Variants in TRHDE observed in about 807,000 individuals in gnomAD.
TRHDE encodes thyrotropin-releasing hormone-degrading ectoenzyme.
TRHDE carries 72 observed loss-of-function variants against 125.7 expected under a neutral mutation model. That is an observed-to-expected ratio of 0.57 (90% confidence interval 0.47 to 0.70). The LOEUF (loss-of-function observed/expected upper bound fraction) is 0.70. TRHDE is among the 30% of genes least tolerant of loss of function. The probability of loss-of-function intolerance (pLI) is 0.00; values close to 1 mark genes in which losing one functional copy is unlikely to be tolerated. For synonymous variants in TRHDE, 509 were observed against 509.1 expected, an observed-to-expected ratio of 1.00 and a Z score of 0.00; for missense variants, 1,110 against 1,327.1, an observed-to-expected ratio of 0.84 and a Z score of 2.54.
At chr12:72,414,238 G>T (rs1244174293) in intron 3 of TRHDE, among the ~76,000 whole-genome samples, 4 of 151,988 alleles carry the variant, frequency 2.6e-5, no homozygotes, top group Non-Finnish European at 5.9e-5. Context: ...ATAAACTGAC[G>T]AGTTTTTAAG....
chr12:72,168,790 G>T (rs752092239), intron 2 of TRHDE, among the ~76,000 whole-genome samples: 1 of 151,734 alleles, frequency 6.6e-6, no homozygotes, highest in Non-Finnish European at 1.5e-5. Context: ...GTAGATTATT[G>T]GCAACTTGTT....
At chr12:72,438,799 A>G (rs983187212) in intron 3 of TRHDE, among the ~76,000 whole-genome samples, 37 of 151,902 alleles carry the variant, frequency 2.4e-4, no homozygotes, top group African/African-American at 7.9e-4. Context: ...TCATTTGTCT[A>G]TTTTAACTTT....
At chr12:72,173,564 G>A (rs1163913198) in intron 2 of TRHDE, among the ~76,000 whole-genome samples, 5 of 152,120 alleles carry the variant, frequency 3.3e-5, no homozygotes, top group Non-Finnish European at 7.4e-5. Flanking sequence ...GTTCCTGCAC[G>A]TGCTCTTGTG....
intron 3 of TRHDE, among the ~76,000 whole-genome samples, chr12:72,439,280 C>T (rs927993742): frequency 6.6e-6 from 1 of 151,738 alleles, no homozygotes; most frequent in African/African-American, 2.4e-5. Context: ...TTTGGCTATT[C>T]AGGGTCTTTT....
intron 2 of TRHDE, among the ~76,000 whole-genome samples, chr12:72,185,338 G>A (rs562453554): frequency 3.9e-5 from 6 of 152,334 alleles, no homozygotes; most frequent in Admixed American, 6.5e-5. Flanking sequence ...CCCACTCCAT[G>A]GGCTCCTGTG....
chr12:72,470,640 T>G (rs1489533345), intron 4 of TRHDE, among the ~76,000 whole-genome samples: 1 of 152,154 alleles, frequency 6.6e-6, no homozygotes, highest in African/African-American at 2.4e-5. Flanking sequence ...GTTACCAGTA[T>G]TTATGGAGCT....
At chr12:72,574,532 C>T (rs553022957) in intron 10 of TRHDE, among the ~76,000 whole-genome samples, 26 of 152,126 alleles carry the variant, frequency 1.7e-4, no homozygotes, top group South Asian at 6.2e-4. Context: ...ATAGTGTCCT[C>T]GCTCTGTACT....
At chr12:72,612,793 T>C (rs1470569965) in intron 12 of TRHDE, among the ~76,000 whole-genome samples, 1 of 152,206 alleles carries the variant, frequency 6.6e-6, no homozygotes, top group Non-Finnish European at 1.5e-5. Flanking sequence ...AAGGTTTTTT[T>C]CTCTTTTTGA....
At chr12:72,586,220 T>A (rs985789248) in intron 12 of TRHDE, among the ~76,000 whole-genome samples, 1 of 152,222 alleles carries the variant, frequency 6.6e-6, no homozygotes, top group Non-Finnish European at 1.5e-5. Context: ...GATTCCATTT[T>A]TAACTATGAA....
rs1875181969 is a variant in TRHDE at position 72,668,853 on chromosome 12, T to C, written c.*5658T>C. On this transcript the variant is annotated 3_prime_UTR_variant, in exon 19 of 19. Transcript: ENST00000261180. Reference sequence around the variant, plus strand: ...ATATAGCTCAAACTAGTCATTAATCTGCCCTCAGCATGTATGAAAACATAA... The same window carrying C: ...ATATAGCTCAAACTAGTCATTAATCCGCCCTCAGCATGTATGAAAACATAA... The C allele has an allele frequency of 6.6e-6, 1 of 151,852 alleles. No homozygotes were observed. Among genetic ancestry groups the C allele is most frequent in the African/African-American group, 2.4e-5 (1 of 41,422 alleles). 9.4% of individuals were successfully genotyped at this position (151,852 alleles called of 1,614,324 possible). A position where few individuals can be genotyped will look rare whatever the true frequency, so the allele number is the denominator to read the frequency against.
At chr12:72,395,992 A>G (rs1872772082) in intron 3 of TRHDE, among the ~76,000 whole-genome samples, 1 of 151,950 alleles carries the variant, frequency 6.6e-6, no homozygotes, top group South Asian at 2.1e-4. Context: ...CTGTACTCAT[A>G]TATCTTGTGT....
chr12:72,445,866 G>A (rs73344442), intron 3 of TRHDE, among the ~76,000 whole-genome samples: 2,172 of 151,812 alleles, frequency 0.014, 49 homozygotes, highest in African/African-American at 0.048. Context: ...TTTTCCCCCC[G>A]GCTTTCTTGA....
chr12:72,227,269 T>A (rs905661385), intron 2 of TRHDE, among the ~76,000 whole-genome samples: 3 of 152,148 alleles, frequency 2.0e-5, no homozygotes, highest in African/African-American at 7.2e-5. Flanking sequence ...AATGGACTCA[T>A]AGTTCCACAT....
At chr12:72,410,819 C>T (rs1319426308) in intron 3 of TRHDE, among the ~76,000 whole-genome samples, 2 of 151,468 alleles carry the variant, frequency 1.3e-5, no homozygotes, top group Non-Finnish European at 2.9e-5. Context: ...GGCTGTCCAC[C>T]ACTTCTAGTC....
At chr12:72,518,533 G>T (rs896701511) in intron 6 of TRHDE, among the ~76,000 whole-genome samples, 25 of 152,126 alleles carry the variant, frequency 1.6e-4, no homozygotes, top group South Asian at 8.3e-4. Flanking sequence ...TTGAGCCTGT[G>T]TGTGTCTCTG....
chr12:72,337,462 A>G (rs1340805759), intron 2 of TRHDE, among the ~76,000 whole-genome samples: 2 of 152,144 alleles, frequency 1.3e-5, no homozygotes, highest in Non-Finnish European at 2.9e-5. Context: ...CTAAAACTTC[A>G]TTTTTAGACC....
intron 17 of TRHDE, among the ~76,000 whole-genome samples, chr12:72,653,969 T>C (rs570704977): frequency 6.6e-6 from 1 of 152,332 alleles, no homozygotes; most frequent in African/African-American, 2.4e-5. Flanking sequence ...TGTGTCATAT[T>C]AAAACACTCT....
intron 2 of TRHDE, among the ~76,000 whole-genome samples, chr12:72,249,693 G>A (rs927011220): frequency 6.6e-6 from 1 of 152,102 alleles, no homozygotes; most frequent in African/African-American, 2.4e-5. Flanking sequence ...ATGTGTTGTT[G>A]ATGGGAATGT....
At chr12:72,240,632 C>G (rs1204022911) in intron 2 of TRHDE, among the ~76,000 whole-genome samples, 1 of 151,634 alleles carries the variant, frequency 6.6e-6, no homozygotes, top group Non-Finnish European at 1.5e-5. Flanking sequence ...TACAGTGGCG[C>G]GATCTCGGCT....
Sources: allele counts gnomAD v4.1 joint callset (sites outside exome capture counted in the v4.1 genomes callset), GRCh38; gene constraint gnomAD v4.1.1; transcripts MANE v1.5; gene names NCBI Gene and HGNC (gene_info 2026-07-23, HGNC 2026-07-21).